PPP2R3A: variants seen among roughly 807,000 people sequenced by gnomAD.
The protein encoded by PPP2R3A is protein phosphatase 2 regulatory subunit B''alpha.
Under a neutral mutation model 106.9 loss-of-function variants are expected in PPP2R3A, and 80 were observed. That is an observed-to-expected ratio of 0.75 (90% confidence interval 0.62 to 0.90). PPP2R3A has a LOEUF of 0.90. Ranked by LOEUF, PPP2R3A falls within the 40% of genes least tolerant of loss-of-function variation. The pLI is 0.00. For synonymous variants in PPP2R3A, 483 were observed against 468.3 expected (o/e 1.03, Z -0.41); for missense variants, 1,386 against 1,350.4 (o/e 1.03, Z -0.41).
In PPP2R3A at chr3:136,106,292, A is replaced by G. The variant is rs769533427; in HGVS notation, c.3299A>G (p.Glu1100Gly). The G allele has an allele frequency of 6.2e-7, 1 of 1,613,960 alleles. No homozygotes were observed. The highest frequency in any genetic ancestry group is 1.3e-5 in the African/African-American group (1 of 75,038). The change falls in exon 13 of 14, where the codon GAG (glutamate) becomes GGG (glycine). Residue 1100 changes from glutamate (E) to glycine (G), a missense_variant. By Grantham distance (98) the Glu-to-Gly change is moderately conservative (BLOSUM62 -2). Coordinates refer to ENST00000264977, the MANE Select transcript of PPP2R3A (RefSeq NM_002718.5). ...GAGGAGTATGAGACGCTTGTTGCAGAGGAATCTGCCCAAGCACAATTCCAG... is the reference window on the plus strand; with the variant it reads ...GAGGAGTATGAGACGCTTGTTGCAGGGGAATCTGCCCAAGCACAATTCCAG... ...AAEEYETLVA[E>G]ESAQAQFQEG...
chr3:136,012,960 T>G (rs1027177822), intron 2 of PPP2R3A, among the ~76,000 whole-genome samples: 2 of 152,068 alleles, frequency 1.3e-5, no homozygotes, highest in Non-Finnish European at 2.9e-5. Context: ...CCACCCTTCC[T>G]CCCAAGTCCC....
At chr3:136,143,759 C>A (rs1361885133) in intron 13 of PPP2R3A, among the ~76,000 whole-genome samples, 1 of 152,164 alleles carries the variant, frequency 6.6e-6, no homozygotes, top group Non-Finnish European at 1.5e-5. Flanking sequence ...CCACTGTACT[C>A]CAGCCTGGGC....
rs966325405 is a variant in PPP2R3A, at chr3:136,120,919, T to TA, written c.3329+14606dup. On this transcript the variant is annotated intron_variant, in intron 13 of 13. Transcript: ENST00000264977. ...GTCAGAAGGGCTATTCTTAAAAAGT[T>TA]AAAAAAAAATCACAGATGTTGGCAG... Among the ~76,000 whole-genome samples, 177 of 151,262 alleles carry TA rather than the reference T, an allele frequency of 1.2e-3. No individual in the cohort carries two copies. The East Asian group carries it at 0.014, about 12-fold the overall frequency.
At chr3:136,103,657 G>GA (rs1037241517) in intron 12 of PPP2R3A, among the ~76,000 whole-genome samples, 5 of 149,970 alleles carry the variant, frequency 3.3e-5, no homozygotes, top group Admixed American at 6.6e-5. Flanking sequence ...GAGTAGTTTT[G>GA]AAAAAAAAAT....
At chr3:136,136,098 AACAT>A (rs1938615916) in intron 13 of PPP2R3A, among the ~76,000 whole-genome samples, 3 of 145,108 alleles carry the variant, frequency 2.1e-5, no homozygotes, top group Admixed American at 6.8e-5. Context: ...ATATATAAAA[AACAT>A]CATGGTTAAG....
rs989366782 is a variant in PPP2R3A at position 136,041,054 on chromosome 3, T to C, written c.2366+92T>C. On this transcript the variant is annotated intron_variant, in intron 4 of 13. Transcript: ENST00000264977. ...AAAGGTCACCTATTTTACTCATTTA[T>C]ACATTTTCCCTTTACTCTTTATATC... 7.8e-6 allele frequency: 8 copies of C among 1,024,454 alleles called. No individual in the cohort carries two copies. In the Admixed American group the frequency reaches 1.9e-4, roughly 25 times the overall value. 63.5% of individuals were successfully genotyped at this position (1,024,454 alleles called of 1,614,324 possible).
intron 2 of PPP2R3A, among the ~76,000 whole-genome samples, chr3:136,022,493 C>A (rs1226786431): frequency 6.6e-6 from 1 of 152,008 alleles, no homozygotes; most frequent in Non-Finnish European, 1.5e-5. Context: ...AAATAAAAAA[C>A]TATTCTTAAT....
chr3:136,043,448 G>A (rs1229310007), intron 4 of PPP2R3A, among the ~76,000 whole-genome samples: 1 of 152,030 alleles, frequency 6.6e-6, no homozygotes, highest in African/African-American at 2.4e-5. Flanking sequence ...GACAGAACGA[G>A]ACTCCATCTC....
intron 3 of PPP2R3A, among the ~76,000 whole-genome samples, chr3:136,035,304 G>A (rs975603799): frequency 2.0e-5 from 3 of 151,936 alleles, no homozygotes; most frequent in Non-Finnish European, 4.4e-5. Flanking sequence ...TTTTTAAATT[G>A]CATTTTTGTT....
At chr3:136,144,650 G>A (rs1422064669) in intron 13 of PPP2R3A, among the ~76,000 whole-genome samples, 3 of 150,488 alleles carry the variant, frequency 2.0e-5, no homozygotes, top group Non-Finnish European at 1.5e-5. Context: ...GACAGAGCAA[G>A]GCTCCGTCTC....
chr3:136,142,389 C>T (rs760910206), intron 13 of PPP2R3A, among the ~76,000 whole-genome samples: 21 of 152,156 alleles, frequency 1.4e-4, no homozygotes, highest in South Asian at 4.2e-4. Flanking sequence ...CAAAATCACC[C>T]TAGTTGAGAA....
intron 13 of PPP2R3A, among the ~76,000 whole-genome samples, chr3:136,116,291 C>G (rs113428279): frequency 1.3e-5 from 2 of 152,116 alleles, no homozygotes; most frequent in Non-Finnish European, 2.9e-5. Context: ...CAAAAACATA[C>G]CAAATTGTAA....
intron 8 of PPP2R3A, among the ~76,000 whole-genome samples, chr3:136,084,149 C>T (rs1392362313): frequency 6.6e-6 from 1 of 152,210 alleles, no homozygotes; most frequent in African/African-American, 2.4e-5. Flanking sequence ...CCCCTCCCAT[C>T]ACAGGCCTGG....
intron 5 of PPP2R3A, among the ~76,000 whole-genome samples, chr3:136,058,472 C>G (rs933173790): frequency 1.3e-5 from 2 of 152,106 alleles, no homozygotes; most frequent in Non-Finnish European, 2.9e-5. Flanking sequence ...TGAAAGATCT[C>G]TACAAGGAGA....
intron 13 of PPP2R3A, among the ~76,000 whole-genome samples, chr3:136,144,385 G>A (rs1939012345): frequency 6.6e-6 from 1 of 152,166 alleles, no homozygotes; most frequent in African/African-American, 2.4e-5. Flanking sequence ...CACTCTGGCC[G>A]ACCAGTGGCT....
intron 10 of PPP2R3A, among the ~76,000 whole-genome samples, chr3:136,093,816 C>T (rs970144322): frequency 2.6e-5 from 4 of 152,120 alleles, no homozygotes; most frequent in African/African-American, 7.2e-5. Flanking sequence ...ATGGTGCAGC[C>T]GTTACAGAAA....
intron 5 of PPP2R3A, chr3:136,055,421 G>T: frequency 1.9e-6 from 2 of 1,030,392 alleles, no homozygotes; most frequent in Admixed American, 1.7e-5. Context: ...TCTCCGAGGT[G>T]CCATAATGCA....
chr3:136,110,654 A>G (rs1937579270), intron 13 of PPP2R3A, among the ~76,000 whole-genome samples: 1 of 152,224 alleles, frequency 6.6e-6, no homozygotes, highest in South Asian at 2.1e-4. Context: ...GATAATATGT[A>G]AGCAAGTGTA....
At chr3:136,062,012 A>G (rs894796902) in intron 5 of PPP2R3A, among the ~76,000 whole-genome samples, 1 of 151,850 alleles carries the variant, frequency 6.6e-6, no homozygotes, top group African/African-American at 2.4e-5. Context: ...GAAGTTTTGG[A>G]AAAATGTAGA....
Sources: gnomAD v4.1 joint callset for allele counts (sites outside exome capture counted in the v4.1 genomes callset) on GRCh38, gnomAD v4.1.1 for gene constraint, MANE v1.5 for transcripts, NCBI Gene and HGNC (gene_info 2026-07-23, HGNC 2026-07-21) for gene names.